The following RBPMS variants were observed in gnomAD, a reference collection of about 807,000 sequenced individuals.
The protein encoded by RBPMS is RNA-binding protein with multiple splicing.
RBPMS carries 7 observed loss-of-function variants against 26.8 expected under a neutral mutation model. That is an observed-to-expected ratio of 0.26 (90% CI 0.15 to 0.49). The LOEUF is 0.49. RBPMS is among the 20% of genes least tolerant of loss of function. The probability of loss-of-function intolerance (pLI) is 0.98; values close to 1 mark genes in which losing one functional copy is unlikely to be tolerated. For synonymous variants in RBPMS, 96 were observed against 93.3 expected (o/e 1.03, Z -0.17); for missense variants, 186 against 250.0 (o/e 0.74, Z 1.73).
intron 5 of RBPMS, among the ~76,000 whole-genome samples, chr8:30,527,491 A>G (rs992748270): frequency 3.9e-5 from 6 of 152,204 alleles, no homozygotes; most frequent in East Asian, 1.9e-4. Flanking sequence ...AACAGTTTCT[A>G]TTCCCTCTGA....
intron 1 of RBPMS, among the ~76,000 whole-genome samples, chr8:30,453,977 G>A (rs1006082098): frequency 2.0e-5 from 3 of 152,068 alleles, no homozygotes; most frequent in Non-Finnish European, 4.4e-5. Context: ...TTTCTGGGAG[G>A]GATCTCCAGC....
chr8:30,425,476 C>G (rs1276225604), intron 1 of RBPMS, among the ~76,000 whole-genome samples: 1 of 152,120 alleles, frequency 6.6e-6, no homozygotes, highest in East Asian at 1.9e-4. Flanking sequence ...TCTTGACTCA[C>G]AACAACCTCC....
At chr8:30,545,033 T>C (rs763566267) in intron 6 of RBPMS, 12 of 1,418,116 alleles carry the variant, frequency 8.5e-6, no homozygotes, top group Non-Finnish European at 1.1e-5. Context: ...TGTTTCTGTG[T>C]GTTGAGAGTT....
chr8:30,479,448 C>A, intron 4 of RBPMS, 71 bp downstream of exon 4: 1 of 1,122,212 alleles, frequency 8.9e-7, no homozygotes, highest in Non-Finnish European at 1.3e-6. Context: ...TCTCTTTGGA[C>A]GGGAAATCAA....
intron 1 of RBPMS, among the ~76,000 whole-genome samples, chr8:30,439,001 T>G (rs1812781961): frequency 6.6e-6 from 1 of 152,210 alleles, no homozygotes; most frequent in African/African-American, 2.4e-5. Flanking sequence ...AGTCTCAAAC[T>G]CCTGACCTCA....
rs1002995229 is a variant in RBPMS at position 30,572,222 on chromosome 8, A to C, written c.*1697A>C. 1 of 152,188 alleles carries C rather than the reference A, an allele frequency of 6.6e-6. No individual in the cohort carries two copies. Among genetic ancestry groups the C allele is most frequent in the African/African-American group, 2.4e-5 (1 of 41,452 alleles). 9.4% of individuals were successfully genotyped at this position (152,188 alleles called of 1,614,324 possible). On this transcript the variant is annotated 3_prime_UTR_variant, in exon 9 of 9. Coordinates refer to ENST00000397323, the MANE Select transcript of RBPMS (RefSeq NM_001008710.3). ...TGTTTAAAGGTACTTTTCTATTGTC[A>C]TTTTTAAAAAATAAAGTGCTTATTC... is the stretch of plus-strand genomic sequence containing the variant.
chr8:30,555,546 TGAGA>T (rs530769566), intron 6 of RBPMS, among the ~76,000 whole-genome samples: 10 of 152,144 alleles, frequency 6.6e-5, no homozygotes, highest in Non-Finnish European at 8.8e-5. Flanking sequence ...TGTGCACATT[TGAGA>T]GAGAGAACTA....
At chr8:30,392,130 C>T (rs946990269) in intron 1 of RBPMS, among the ~76,000 whole-genome samples, 7 of 152,012 alleles carry the variant, frequency 4.6e-5, no homozygotes, top group Non-Finnish European at 7.3e-5. Context: ...GGTATAACCA[C>T]GCCCGAGGTT....
At chr8:30,428,633 TAAAG>T (rs1356244586) in intron 1 of RBPMS, among the ~76,000 whole-genome samples, 4 of 152,228 alleles carry the variant, frequency 2.6e-5, no homozygotes, top group South Asian at 2.1e-4. Flanking sequence ...ATAGATAAAA[TAAAG>T]AAATCTAAAT....
At chr8:30,483,565 A>G (rs1016562698) in intron 4 of RBPMS, among the ~76,000 whole-genome samples, 6 of 152,114 alleles carry the variant, frequency 3.9e-5, no homozygotes, top group Admixed American at 3.9e-4. Context: ...TTTCAATTCA[A>G]TGGCTTTTGG....
intron 5 of RBPMS, among the ~76,000 whole-genome samples, chr8:30,528,563 G>A (rs1169739037): frequency 2.0e-5 from 3 of 152,188 alleles, no homozygotes; most frequent in East Asian, 3.8e-4. Flanking sequence ...CTTTAGGAAT[G>A]AGAAATTCAA....
At chr8:30,385,558 C>T (rs1480481562) in intron 1 of RBPMS, among the ~76,000 whole-genome samples, 2 of 151,734 alleles carry the variant, frequency 1.3e-5, no homozygotes, top group Non-Finnish European at 2.9e-5. Context: ...GGAAGAAACT[C>T]GGGGGAAAGT....
At chr8:30,437,664 G>T (rs1029484043) in intron 1 of RBPMS, among the ~76,000 whole-genome samples, 1 of 152,134 alleles carries the variant, frequency 6.6e-6, no homozygotes, top group Non-Finnish European at 1.5e-5. Context: ...GATATTGCTT[G>T]CCTGTAATCC....
At chr8:30,565,690 G>A (rs1827841597) in intron 7 of RBPMS, 1 of 152,296 alleles carries the variant, frequency 6.6e-6, no homozygotes. Context: ...TTTAGTTTTT[G>A]TTTTCCAGGA....
At chr8:30,431,478 ACT>A (rs1420804879) in intron 1 of RBPMS, among the ~76,000 whole-genome samples, 110 of 141,976 alleles carry the variant, frequency 7.7e-4, no homozygotes, top group African/African-American at 2.8e-3. Context: ...CTTGAGACGG[ACT>A]CTCTCATTCT....
intron 3 of RBPMS, 40 bp downstream of exon 3, chr8:30,477,877 C>G (rs1436902005): frequency 7.2e-7 from 1 of 1,386,396 alleles, no homozygotes. Flanking sequence ...CACTTTTTTA[C>G]TTTCCTCAGG....
intron 5 of RBPMS, among the ~76,000 whole-genome samples, chr8:30,531,581 C>A (rs1037881082): frequency 4.6e-5 from 7 of 152,228 alleles, no homozygotes; most frequent in African/African-American, 1.7e-4. Flanking sequence ...GTTAGGATAC[C>A]CTGTTCTCAT....
intron 6 of RBPMS, among the ~76,000 whole-genome samples, chr8:30,551,097 C>A (rs925837571): frequency 3.9e-5 from 6 of 152,214 alleles, no homozygotes; most frequent in Non-Finnish European, 5.9e-5. Flanking sequence ...CTTCACAGTT[C>A]TGCCAGGAAA....
Position 30,547,342 on chromosome 8 carries a change from C to G in RBPMS, c.528+2718C>G, listed in dbSNP as rs539398554. The G allele has an allele frequency of 3.1e-6, 5 of 1,613,794 alleles. No homozygotes were observed. In the East Asian group the frequency reaches 1.1e-4, roughly 36 times the overall value. ...ACACACCTGTCTTTTGTCCACTTCTCCAGCAAATTAGATTTGTCTCTGGGA... is the reference window on the plus strand; with the variant it reads ...ACACACCTGTCTTTTGTCCACTTCTGCAGCAAATTAGATTTGTCTCTGGGA... On this transcript the variant is annotated intron_variant, in intron 6 of 8. Coordinates refer to ENST00000397323, the MANE Select transcript of RBPMS (RefSeq NM_001008710.3).
Sources: allele counts gnomAD v4.1 joint callset (sites outside exome capture counted in the v4.1 genomes callset), GRCh38; gene constraint gnomAD v4.1.1; transcripts MANE v1.5; gene names NCBI Gene and HGNC (gene_info 2026-07-23, HGNC 2026-07-21).